The following KLHL1 variants were observed in gnomAD, a reference collection of about 807,000 sequenced individuals.
KLHL1 encodes the protein kelch like family member 1.
A neutral mutation model predicts 77.7 loss-of-function variants in KLHL1; 47 were observed. The ratio of observed to expected loss-of-function variants is 0.60; its 90% CI spans 0.48 to 0.77. The LOEUF is 0.77. Among genes scored for constraint, KLHL1 ranks in the 30% least tolerant of loss-of-function variants. The pLI, the probability that KLHL1 is intolerant of heterozygous loss-of-function variation, is 0.00. For synonymous variants in KLHL1, 360 were observed against 325.2 expected (o/e 1.11, Z -1.15); for missense variants, 925 against 910.8 (o/e 1.02, Z -0.20).
At chr13:69,782,679 G>C (rs192818770) in intron 7 of KLHL1, among the ~76,000 whole-genome samples, 1,700 of 152,302 alleles carry the variant, frequency 0.011, 36 homozygotes, top group African/African-American at 0.038. Flanking sequence ...AAACTGGGTG[G>C]AGCCCACCAC....
intron 4 of KLHL1, among the ~76,000 whole-genome samples, chr13:69,885,355 A>G (rs912209053): frequency 2.0e-5 from 3 of 152,134 alleles, no homozygotes; most frequent in Non-Finnish European, 4.4e-5. Context: ...AAACTGCTAT[A>G]AGGAAATGGG....
chr13:69,941,309 A>G (rs1300461519), intron 3 of KLHL1, among the ~76,000 whole-genome samples: 1 of 152,060 alleles, frequency 6.6e-6, no homozygotes, highest in African/African-American at 2.4e-5. Context: ...CCTCAAAACT[A>G]TACAAATGCA....
chr13:69,920,497 C>T (rs1264247836), intron 4 of KLHL1, among the ~76,000 whole-genome samples: 10 of 151,774 alleles, frequency 6.6e-5, no homozygotes, highest in African/African-American at 2.4e-4. Flanking sequence ...GAAAAGGGGA[C>T]AAAAATAATA....
intron 10 of KLHL1, 152 bp downstream of exon 10, chr13:69,707,473 C>G: frequency 1.6e-6 from 1 of 611,130 alleles, no homozygotes; most frequent in Non-Finnish European, 2.5e-6. Flanking sequence ...GTATAATGAA[C>G]TTTTTACAAA....
At chr13:69,792,796 G>A (rs1876926555) in intron 7 of KLHL1, among the ~76,000 whole-genome samples, 1 of 152,036 alleles carries the variant, frequency 6.6e-6, no homozygotes, top group Non-Finnish European at 1.5e-5. Flanking sequence ...GCCAGAAATT[G>A]TATAATTATT....
At chr13:70,102,924 A>T (rs143868675) in intron 1 of KLHL1, among the ~76,000 whole-genome samples, 5 of 152,322 alleles carry the variant, frequency 3.3e-5, no homozygotes, top group Admixed American at 3.3e-4. Context: ...GGGTAGAATG[A>T]TGAGTAAAAC....
Position 70,107,373 on chromosome 13 carries a change from C to T in KLHL1, c.327G>A (p.Gly109=). ...TCCTGGCTGGCTGCTGAGTGCCCTG[C>T]CCAGGAGCCCCTTGCTGCAGCCTCG... is the stretch of plus-strand genomic sequence containing the variant. ...VATRLQQGAP[G]QGTQQPARTL... Residue 109 remains glycine (G), a synonymous_variant, in exon 1 of 11, where the codon GGG becomes GGA. Coordinates refer to ENST00000377844, the MANE Select transcript of KLHL1 (RefSeq NM_020866.3). 1 of 1,614,048 alleles carries T rather than the reference C, an allele frequency of 6.2e-7. No individual in the cohort carries two copies. Among genetic ancestry groups the T allele is most frequent in the East Asian group, 2.2e-5 (1 of 44,854 alleles).
At chr13:69,925,482 T>G (rs1882785362) in intron 4 of KLHL1, among the ~76,000 whole-genome samples, 1 of 152,200 alleles carries the variant, frequency 6.6e-6, no homozygotes, top group Admixed American at 6.5e-5. Context: ...TTAAGAAATA[T>G]TATGCAGCTC....
intron 1 of KLHL1, among the ~76,000 whole-genome samples, chr13:69,981,158 C>T (rs1328867841): frequency 6.6e-6 from 1 of 152,132 alleles, no homozygotes; most frequent in Non-Finnish European, 1.5e-5. Flanking sequence ...AAAATAACTG[C>T]TGTAACCAGA....
chr13:69,854,084 T>C (rs574827476), intron 5 of KLHL1, among the ~76,000 whole-genome samples: 2 of 152,084 alleles, frequency 1.3e-5, no homozygotes, highest in Non-Finnish European at 2.9e-5. Context: ...TTTGATTTTG[T>C]AATCCATAAA....
chr13:70,056,264 C>T (rs918715912), intron 1 of KLHL1, among the ~76,000 whole-genome samples: 4 of 151,936 alleles, frequency 2.6e-5, no homozygotes, highest in East Asian at 3.9e-4. Flanking sequence ...TAAATGATGA[C>T]GGGTTCAATT....
In KLHL1 at chr13:69,865,791, T is replaced by C. The variant is rs76400912; in HGVS notation, c.1227+16492A>G. Among the ~76,000 whole-genome samples the C allele has an allele frequency of 2.0e-3, 300 of 152,228 alleles. 3 individuals are homozygous for C. Among genetic ancestry groups the C allele is most frequent in the African/African-American group, 6.8e-3 (282 of 41,566 alleles). ...CATTTCTAGGCATTGTTACTGGACA[T>C]GGAATAAGGACAAAATATCATTCCA... On this transcript the variant is annotated intron_variant, in intron 5 of 10. Transcript: ENST00000377844.
At chr13:69,706,984 T>A (rs967520672) in intron 10 of KLHL1, among the ~76,000 whole-genome samples, 1 of 151,956 alleles carries the variant, frequency 6.6e-6, no homozygotes, top group African/African-American at 2.4e-5. Flanking sequence ...TAAGGCATAA[T>A]GCCTCACCTA....
intron 4 of KLHL1, among the ~76,000 whole-genome samples, chr13:69,922,927 A>G (rs1566405629): frequency 6.6e-6 from 1 of 152,232 alleles, no homozygotes; most frequent in Non-Finnish European, 1.5e-5. Flanking sequence ...TATTATATAA[A>G]ATATTCAAAA....
chr13:69,830,388 A>G (rs1878715884), intron 6 of KLHL1, among the ~76,000 whole-genome samples: 1 of 150,296 alleles, frequency 6.7e-6, no homozygotes, highest in South Asian at 2.1e-4. Flanking sequence ...CTTGTCCACC[A>G]GGAAAATATC....
chr13:70,075,345 AAAAT>A (rs1887235897), intron 1 of KLHL1, among the ~76,000 whole-genome samples: 1 of 151,668 alleles, frequency 6.6e-6, no homozygotes, highest in Non-Finnish European at 1.5e-5. Flanking sequence ...ATAAAATAAA[AAAAT>A]AAAAGCTATA....
chr13:70,002,426 A>T (rs79421149), intron 1 of KLHL1, among the ~76,000 whole-genome samples: 1 of 151,548 alleles, frequency 6.6e-6, no homozygotes, highest in Admixed American at 6.6e-5. Context: ...GGAGAAAAAA[A>T]ATTTTTTTAA....
intron 6 of KLHL1, among the ~76,000 whole-genome samples, chr13:69,809,260 C>T (rs1358462257): frequency 1.3e-5 from 2 of 151,966 alleles, no homozygotes; most frequent in Admixed American, 6.6e-5. Context: ...AGTCATCAGA[C>T]TATGCAAGGT....
chr13:70,006,403 G>T (rs1281526648), intron 1 of KLHL1, among the ~76,000 whole-genome samples: 1 of 151,780 alleles, frequency 6.6e-6, no homozygotes, highest in Admixed American at 6.6e-5. Context: ...TCTTTATTTG[G>T]GGATATTGGT....
Sources: allele counts gnomAD v4.1 joint callset (sites outside exome capture counted in the v4.1 genomes callset), GRCh38; gene constraint gnomAD v4.1.1; transcripts MANE v1.5; gene names NCBI Gene and HGNC (gene_info 2026-07-23, HGNC 2026-07-21).